SETBP1: variants seen among roughly 807,000 people sequenced by gnomAD.
SETBP1 encodes the protein SET binding protein 1, also known as SET-binding protein.
Under a neutral mutation model 101.0 loss-of-function variants are expected in SETBP1, and 9 were observed. The ratio of observed to expected loss-of-function variants is 0.09; its 90% CI spans 0.05 to 0.16. SETBP1 has a LOEUF of 0.16. Ranked by LOEUF, SETBP1 falls within the 10% of genes least tolerant of loss-of-function variation. SETBP1 has a pLI of 1.00. For missense variants in SETBP1, 1,858 were observed against 2,033.8 expected (o/e 0.91, Z 1.66); for synonymous variants, 818 against 788.5 (o/e 1.04, Z -0.63).
chr18:44,739,797 G>A (rs1029809749), intron 2 of SETBP1, among the ~76,000 whole-genome samples: 1 of 152,218 alleles, frequency 6.6e-6, no homozygotes, highest in Non-Finnish European at 1.5e-5. Context: ...CTTGGCAGAT[G>A]TCTGATGTCC....
At chr18:44,715,999 C>T (rs905907649) in intron 2 of SETBP1, among the ~76,000 whole-genome samples, 1 of 152,164 alleles carries the variant, frequency 6.6e-6, no homozygotes, top group African/African-American at 2.4e-5. Flanking sequence ...ATCCCAGCAT[C>T]CTTCCCCTAC....
chr18:44,719,337 A>G (rs1311366514), intron 2 of SETBP1, among the ~76,000 whole-genome samples: 2 of 152,150 alleles, frequency 1.3e-5, no homozygotes, highest in East Asian at 3.8e-4. Flanking sequence ...TGCATCCGAG[A>G]GAGAATGTGT....
chr18:44,706,666 G>T (rs12966223), intron 2 of SETBP1, among the ~76,000 whole-genome samples: 1 of 149,354 alleles, frequency 6.7e-6, no homozygotes, highest in Non-Finnish European at 1.5e-5. Context: ...TCCAAGCTGG[G>T]CAAGGCTTAG....
At chr18:44,902,688 A>T (rs1281519246) in intron 3 of SETBP1, among the ~76,000 whole-genome samples, 1 of 152,206 alleles carries the variant, frequency 6.6e-6, no homozygotes, top group African/African-American at 2.4e-5. Flanking sequence ...CTTTTTATAA[A>T]AAAAGATGCT....
At chr18:44,709,608 C>G (rs148605281) in intron 2 of SETBP1, among the ~76,000 whole-genome samples, 2 of 152,294 alleles carry the variant, frequency 1.3e-5, no homozygotes, top group Middle Eastern at 3.4e-3. Flanking sequence ...ATGTCCTGCT[C>G]TCATTGCTGT....
rs2073504242 is a variant in SETBP1, at chr18:45,041,319, C to A, written c.4171+2664C>A. Among the ~76,000 whole-genome samples, 3 of 152,176 alleles carry A rather than the reference C, an allele frequency of 2.0e-5. No individual in the cohort carries two copies. The South Asian group carries it at 6.2e-4, about 32-fold the overall frequency. ...GCACAAAGTAGGTAGTTAACAGTTT[C>A]TGGATTTGATCTTATTTAATTAGGT... On this transcript the variant is annotated intron_variant, in intron 5 of 5. Transcript: ENST00000649279.
chr18:44,933,644 G>A (rs2070888947), intron 3 of SETBP1, among the ~76,000 whole-genome samples: 1 of 152,200 alleles, frequency 6.6e-6, no homozygotes, highest in African/African-American at 2.4e-5. Context: ...TCAAGCCTCA[G>A]CAATGGCAGA....
chr18:44,710,450 GTTTT>G (rs11375634), intron 2 of SETBP1, among the ~76,000 whole-genome samples: 1 of 123,408 alleles, frequency 8.1e-6, no homozygotes, highest in Non-Finnish European at 1.6e-5. Flanking sequence ...CATTTTAGGA[GTTTT>G]TTTTTTTTTT....
chr18:44,940,663 T>G (rs1055001108), intron 3 of SETBP1, among the ~76,000 whole-genome samples: 64 of 152,214 alleles, frequency 4.2e-4, no homozygotes, highest in African/African-American at 1.5e-3. Context: ...GCTCTTATTC[T>G]TTGTTTTATT....
chr18:44,964,602 A>C (rs999778343), intron 4 of SETBP1, among the ~76,000 whole-genome samples: 1 of 152,260 alleles, frequency 6.6e-6, no homozygotes, highest in East Asian at 1.9e-4. Flanking sequence ...AAAAAAAAAA[A>C]AACCCTGTTA....
intron 2 of SETBP1, among the ~76,000 whole-genome samples, chr18:44,849,595 C>T (rs926200865): frequency 1.3e-5 from 2 of 152,014 alleles, no homozygotes; most frequent in African/African-American, 4.8e-5. Context: ...GTAGCACATC[C>T]GTGACGCCCT....
chr18:44,688,840 G>A (rs781060612), intron 1 of SETBP1, among the ~76,000 whole-genome samples: 2 of 152,112 alleles, frequency 1.3e-5, no homozygotes, highest in Admixed American at 6.6e-5. Context: ...CTTTCTACTC[G>A]TTATACTTTA....
At chr18:44,746,127 G>A (rs895316100) in intron 2 of SETBP1, among the ~76,000 whole-genome samples, 20 of 152,272 alleles carry the variant, frequency 1.3e-4, no homozygotes, top group Middle Eastern at 3.4e-3. Flanking sequence ...TTAGAAGGTG[G>A]CTGTAATAGT....
chr18:44,683,038 A>G (rs2144085915), intron 1 of SETBP1, among the ~76,000 whole-genome samples: 1 of 152,290 alleles, frequency 6.6e-6, no homozygotes, highest in African/African-American at 2.4e-5. Flanking sequence ...TGCAGTGAAC[A>G]TAAGGTGGAG....
At chr18:44,822,000 G>A (rs532516590) in intron 2 of SETBP1, among the ~76,000 whole-genome samples, 1 of 152,294 alleles carries the variant, frequency 6.6e-6, no homozygotes, top group South Asian at 2.1e-4. Context: ...ATTATTTAAA[G>A]GATATTCCTC....
At chr18:44,774,050 A>G (rs889317196) in intron 2 of SETBP1, among the ~76,000 whole-genome samples, 5 of 152,178 alleles carry the variant, frequency 3.3e-5, no homozygotes, top group African/African-American at 1.2e-4. Context: ...CCAGTGGTAG[A>G]TTATAGTTAT....
intron 3 of SETBP1, among the ~76,000 whole-genome samples, chr18:44,924,944 C>T (rs2144952799): frequency 6.6e-6 from 1 of 151,396 alleles, no homozygotes; most frequent in South Asian, 2.1e-4. Context: ...ATAGGCGTGT[C>T]CAGCTTAGGC....
intron 4 of SETBP1, among the ~76,000 whole-genome samples, chr18:44,998,383 A>G (rs745443036): frequency 6.6e-6 from 1 of 152,238 alleles, no homozygotes; most frequent in Non-Finnish European, 1.5e-5. Context: ...GGCCAGTTAC[A>G]GAGCTTTTCT....
intron 2 of SETBP1, among the ~76,000 whole-genome samples, chr18:44,769,353 C>T (rs932984485): frequency 2.0e-5 from 3 of 152,194 alleles, no homozygotes; most frequent in South Asian, 2.1e-4. Flanking sequence ...ATGCAAGTCC[C>T]TTGGGAGCAA....
Sources: gnomAD v4.1 joint callset for allele counts (sites outside exome capture counted in the v4.1 genomes callset) on GRCh38, gnomAD v4.1.1 for gene constraint, MANE v1.5 for transcripts, NCBI Gene and HGNC (gene_info 2026-07-23, HGNC 2026-07-21) for gene names.